HAPLN3: variants seen among roughly 807,000 people sequenced by gnomAD.
The protein encoded by HAPLN3 is hyaluronan and proteoglycan link protein 3, also known as extracellular link domain containing, 1.
A neutral mutation model predicts 28.1 loss-of-function variants in HAPLN3; 28 were observed. That is an observed-to-expected ratio of 1.00 (90% CI 0.74 to 1.37). The LOEUF is 1.37. Among genes scored for constraint, HAPLN3 ranks in the 40% most tolerant of loss-of-function variants. The probability of loss-of-function intolerance (pLI) is 0.00; values close to 1 mark genes in which losing one functional copy is unlikely to be tolerated. For missense variants in HAPLN3, 513 were observed against 504.6 expected (o/e 1.02, Z -0.16); for synonymous variants, 211 against 213.1 (o/e 0.99, Z 0.09).
intron 1 of HAPLN3, among the ~76,000 whole-genome samples, chr15:88,891,809 G>C (rs949779828): frequency 6.6e-6 from 1 of 152,204 alleles, no homozygotes; most frequent in Non-Finnish European, 1.5e-5. Context: ...ACACAGCCCA[G>C]TGGCCCAGAG....
intron 2 of HAPLN3, among the ~76,000 whole-genome samples, chr15:88,886,557 G>T (rs935851517): frequency 2.0e-5 from 3 of 151,898 alleles, no homozygotes; most frequent in Non-Finnish European, 4.4e-5. Flanking sequence ...AGGCATGGTG[G>T]CTTATGCCTG....
At chr15:88,884,553 G>T (rs1236737193) in intron 2 of HAPLN3, among the ~76,000 whole-genome samples, 1 of 152,124 alleles carries the variant, frequency 6.6e-6, no homozygotes, top group Non-Finnish European at 1.5e-5. Flanking sequence ...GACAGAGCGA[G>T]ACTCTGTCTC....
chr15:88,893,588 G>A (rs552914438), intron 1 of HAPLN3, among the ~76,000 whole-genome samples: 1 of 152,130 alleles, frequency 6.6e-6, no homozygotes, highest in African/African-American at 2.4e-5. Flanking sequence ...TCTGTCATTG[G>A]ACAAGTCGCT....
intron 2 of HAPLN3, among the ~76,000 whole-genome samples, chr15:88,883,760 T>C (rs1194414248): frequency 6.6e-6 from 1 of 152,210 alleles, no homozygotes; most frequent in Non-Finnish European, 1.5e-5. Context: ...CTGGTTTTTG[T>C]TGGAGAAAGT....
chr15:88,889,715 C>G (rs535766759), intron 1 of HAPLN3, among the ~76,000 whole-genome samples: 4 of 152,234 alleles, frequency 2.6e-5, no homozygotes, highest in Non-Finnish European at 4.4e-5. Context: ...TCTTAAGACA[C>G]TTCCCTGCAG....
At chr15:88,892,582 C>T (rs1047255147) in intron 1 of HAPLN3, among the ~76,000 whole-genome samples, 1 of 152,122 alleles carries the variant, frequency 6.6e-6, no homozygotes, top group Non-Finnish European at 1.5e-5. Context: ...GCACACAGGC[C>T]CAAGGTTTCA....
chr15:88,892,072 G>A lies in HAPLN3; in HGVS notation c.-48+3387C>T, dbSNP rs1177262015. On this transcript the variant is annotated intron_variant, in intron 1 of 4. Coordinates refer to ENST00000359595, the MANE Select transcript of HAPLN3 (RefSeq NM_178232.4). ...TTCCTAAGGGTAAACAAATGCAGGC[G>A]TTTCTGCCACTAAGTGACATCAGTA... Among the ~76,000 whole-genome samples the A allele has an allele frequency of 4.6e-5, 7 of 152,176 alleles. No individual in the cohort carries two copies. The South Asian group carries it at 8.3e-4, about 18-fold the overall frequency.
rs758332630 is a variant in HAPLN3, at chr15:88,887,168, C to T, written c.124+7G>A. 5 of 1,613,916 alleles carry T rather than the reference C, an allele frequency of 3.1e-6. No homozygotes were observed. Among genetic ancestry groups the T allele is most frequent in the African/African-American group, 2.7e-5 (2 of 74,882 alleles). ...GAGCAAAGAGCCGGGTGCAGGAGGT[C>T]GCCTACCTTTGCCATGACCGTTGCC... is the stretch of plus-strand genomic sequence containing the variant. On this transcript the variant is annotated splice_region_variant and intron_variant, in intron 2 of 4. Transcript: ENST00000359595.
rs1897666157 is a variant in HAPLN3, at chr15:88,880,468, G to A, written c.493+889C>T. The A allele has an allele frequency of 5.7e-6, 7 of 1,231,854 alleles. No homozygotes were observed. The highest frequency in any genetic ancestry group is 7.3e-6 in the Non-Finnish European group (7 of 954,548). The allele number at this position is 1,231,854 out of a possible 1,614,324, so 76.3% of individuals were successfully genotyped here. On this transcript the variant is annotated intron_variant, in intron 3 of 4. Coordinates refer to ENST00000359595, the MANE Select transcript of HAPLN3 (RefSeq NM_178232.4). This position sits in a 1 kb window ranked among gnomAD's most constrained non-coding sequence, Gnocchi z 6.0. ...TTGTGATACCCCATTTTACACCTGA[G>A]AGGCCCAGGGCTCTAAGGGGGATGA...
chr15:88,884,431 T>G (rs1048998631), intron 2 of HAPLN3, among the ~76,000 whole-genome samples: 1 of 151,836 alleles, frequency 6.6e-6, no homozygotes, highest in African/African-American at 2.4e-5. Flanking sequence ...AGGCATGGTG[T>G]CGGATGCCTG....
At position 88,881,594 on chromosome 15, in the gene HAPLN3, C is replaced by A. The variant is rs979326120; in HGVS notation, c.256G>T (p.Val86Phe). Residue 86 changes from valine to phenylalanine, a missense_variant, in exon 3 of 5, where the codon GTC becomes TTC. Val to Phe is a conservative substitution (Grantham distance 50). Coordinates refer to ENST00000359595, the MANE Select transcript of HAPLN3 (RefSeq NM_178232.4). This position sits in a 1 kb window ranked among gnomAD's most constrained non-coding sequence, Gnocchi z 6.0. The part of the protein sequence containing the change: ...PALVSPRRVR[V>F]KWWKLSENGA... ...TTCTCCGACAGCTTCCACCATTTGACACGCACACGCCGCGGGGAGACCAGG... is the reference window on the plus strand; with the variant it reads ...TTCTCCGACAGCTTCCACCATTTGAAACGCACACGCCGCGGGGAGACCAGG... The A allele has an allele frequency of 6.2e-7, 1 of 1,613,996 alleles. No individual in the cohort carries two copies. Among genetic ancestry groups the A allele is most frequent in the African/African-American group, 1.3e-5 (1 of 74,938 alleles).
chr15:88,889,761 C>A (rs755876687), intron 1 of HAPLN3, among the ~76,000 whole-genome samples: 8 of 152,184 alleles, frequency 5.3e-5, no homozygotes, highest in Non-Finnish European at 1.2e-4. Context: ...GGCAGCAAGA[C>A]CAGAATGACA....
At chr15:88,886,593 G>C (rs891709022) in intron 2 of HAPLN3, among the ~76,000 whole-genome samples, 12 of 152,010 alleles carry the variant, frequency 7.9e-5, no homozygotes, top group African/African-American at 2.9e-4. Flanking sequence ...GGGAGGTCGA[G>C]GCAGGTGGAT....
intron 1 of HAPLN3, among the ~76,000 whole-genome samples, chr15:88,893,311 G>A (rs774500912): frequency 7.2e-5 from 11 of 152,084 alleles, no homozygotes; most frequent in South Asian, 4.2e-4. Flanking sequence ...CCAGCTACTG[G>A]GGTGGCTAAG....
Position 88,881,190 on chromosome 15 carries a change from A to T in HAPLN3, c.493+167T>A. On this transcript the variant is annotated intron_variant, in intron 3 of 4. Coordinates refer to ENST00000359595, the MANE Select transcript of HAPLN3 (RefSeq NM_178232.4). This position sits in a 1 kb window ranked among gnomAD's most constrained non-coding sequence, Gnocchi z 6.0. ...AAGTTACTTGACCTCTCTGTGCCTC[A>T]GTTTTCTCACCTGTAAAATGGGGGT... is the stretch of plus-strand genomic sequence containing the variant. 2.3e-6 allele frequency: 2 copies of T among 858,700 alleles called. No homozygotes were observed. Among genetic ancestry groups the T allele is most frequent in the South Asian group, 1.8e-5 (1 of 55,372 alleles). 53.2% of individuals were successfully genotyped at this position (858,700 alleles called of 1,614,324 possible).
Position 88,881,150 on chromosome 15 carries a change from T to C in HAPLN3, c.493+207A>G. On this transcript the variant is annotated intron_variant, in intron 3 of 4. Transcript: ENST00000359595. This position sits in a 1 kb window ranked among gnomAD's most constrained non-coding sequence, Gnocchi z 6.0. ...GACCCCAGCTCTGTCGTTTACAAGC[T>C]GTGTGACCTTAGGTAAGTTACTTGA... 1 of 630,602 alleles carries C rather than the reference T, an allele frequency of 1.6e-6. No individual in the cohort carries two copies. Among genetic ancestry groups the C allele is most frequent in the Non-Finnish European group, 2.7e-6 (1 of 372,322 alleles). 39.1% of individuals were successfully genotyped at this position (630,602 alleles called of 1,614,324 possible).
Position 88,881,777 on chromosome 15 carries a change from C to G in HAPLN3, c.125-52G>C. On this transcript the variant is annotated intron_variant, in intron 2 of 4. Coordinates refer to ENST00000359595, the MANE Select transcript of HAPLN3 (RefSeq NM_178232.4). The surrounding 1 kb of genome is among the most constrained non-coding windows in gnomAD (Gnocchi z 6.0). ...AGACCTGCTGAAGCACATCTGTACC[C>G]CTGCAAGGGCCACCGCACACCCTCA... 1 of 1,547,040 alleles carries G rather than the reference C, an allele frequency of 6.5e-7. No individual in the cohort carries two copies.
intron 2 of HAPLN3, among the ~76,000 whole-genome samples, chr15:88,886,883 A>G (rs1567204319): frequency 6.6e-6 from 1 of 152,112 alleles, no homozygotes; most frequent in Non-Finnish European, 1.5e-5. Flanking sequence ...TCCCCTTTCC[A>G]CTGGGGGGAC....
chr15:88,887,190 T>C lies in HAPLN3; in HGVS notation c.109A>G (p.Asn37Asp). Residue 37 changes from asparagine to aspartate, a missense_variant, in exon 2 of 5, where the codon AAC becomes GAC. Coordinates refer to ENST00000359595, the MANE Select transcript of HAPLN3 (RefSeq NM_178232.4). ...GGTCGCCTACCTTTGCCATGACCGTTGCCTAGGTTCTGGTCGTTGGCGCTG... is the reference window on the plus strand; with the variant it reads ...GGTCGCCTACCTTTGCCATGACCGTCGCCTAGGTTCTGGTCGTTGGCGCTG... ...SNSANDQNLG[N>D]GHGKDLLNGV... 6.2e-7 allele frequency: 1 copy of C among 1,614,104 alleles called. No individual in the cohort carries two copies. The highest frequency in any genetic ancestry group is 1.7e-5 in the Admixed American group (1 of 60,016).
Sources: allele counts gnomAD v4.1 joint callset (sites outside exome capture counted in the v4.1 genomes callset), GRCh38; gene constraint gnomAD v4.1.1; non-coding constraint Gnocchi (gnomAD v3.1); transcripts MANE v1.5; gene names NCBI Gene and HGNC (gene_info 2026-07-23, HGNC 2026-07-21).